Variants in CEP112 observed in about 807,000 individuals in gnomAD.
The protein encoded by CEP112 is centrosomal protein of 112 kDa.
Under a neutral mutation model 153.0 loss-of-function variants are expected in CEP112, and 127 were observed. That is an observed-to-expected ratio of 0.83 (90% confidence interval 0.72 to 0.96). The LOEUF (loss-of-function observed/expected upper bound fraction) is 0.96. Ranked by LOEUF, CEP112 falls within the 40% of genes least tolerant of loss-of-function variation. The pLI, the probability that CEP112 is intolerant of heterozygous loss-of-function variation, is 0.00. For synonymous variants in CEP112, 358 were observed against 374.4 expected (o/e 0.96, Z 0.51); for missense variants, 1,089 against 1,101.2 (o/e 0.99, Z 0.16).
At chr17:65,966,326 T>C (rs1599171860) in intron 17 of CEP112, among the ~76,000 whole-genome samples, 1 of 152,232 alleles carries the variant, frequency 6.6e-6, no homozygotes, top group Admixed American at 6.5e-5. Context: ...GATGACAGTT[T>C]AGTATTTTTG....
intron 23 of CEP112, among the ~76,000 whole-genome samples, chr17:65,724,416 C>T (rs1435571017): frequency 3.9e-5 from 6 of 152,230 alleles, no homozygotes; most frequent in Middle Eastern, 6.8e-3. Context: ...CAACAAGTCC[C>T]TTAAAAATAA....
intron 6 of CEP112, among the ~76,000 whole-genome samples, chr17:66,102,938 A>G (rs2068627054): frequency 6.6e-6 from 1 of 150,914 alleles, no homozygotes; most frequent in Non-Finnish European, 1.5e-5. Context: ...AAGTATGAAA[A>G]ACTAGCCAGG....
At chr17:65,974,404 A>G (rs1039985759) in intron 17 of CEP112, among the ~76,000 whole-genome samples, 1 of 152,182 alleles carries the variant, frequency 6.6e-6, no homozygotes, top group African/African-American at 2.4e-5. Flanking sequence ...ATTTGCAGCC[A>G]AGAGAAACTT....
intron 23 of CEP112, among the ~76,000 whole-genome samples, chr17:65,716,621 C>T (rs2049534318): frequency 6.6e-6 from 1 of 152,072 alleles, no homozygotes; most frequent in Admixed American, 6.5e-5. Context: ...CTATATTGTG[C>T]GAATTGTACC....
chr17:65,654,056 CAAAAAAA>C (rs773433478), intron 24 of CEP112, among the ~76,000 whole-genome samples: 30 of 26,886 alleles, frequency 1.1e-3, no homozygotes, highest in Admixed American at 2.0e-3. Flanking sequence ...AAGACTCCAT[CAAAAAAA>C]AAAAAAAAAA....
At chr17:65,836,809 C>T (rs1352791960) in intron 21 of CEP112, among the ~76,000 whole-genome samples, 3 of 152,030 alleles carry the variant, frequency 2.0e-5, no homozygotes, top group Non-Finnish European at 2.9e-5. Context: ...CTCCCTCTCC[C>T]TCTCCCCATC....
chr17:65,718,755 A>T (rs1430552915), intron 23 of CEP112, among the ~76,000 whole-genome samples: 1 of 152,208 alleles, frequency 6.6e-6, no homozygotes, highest in Admixed American at 6.5e-5. Flanking sequence ...AACATTGCAG[A>T]CCTTCTAGAT....
chr17:65,763,303 A>G (rs1047489635), intron 21 of CEP112, among the ~76,000 whole-genome samples: 1 of 151,278 alleles, frequency 6.6e-6, no homozygotes, highest in Non-Finnish European at 1.5e-5. Flanking sequence ...TTTTTCTTTC[A>G]TTTATGCTGA....
chr17:65,867,365 C>A (rs1405897910), intron 20 of CEP112, among the ~76,000 whole-genome samples: 1 of 152,166 alleles, frequency 6.6e-6, no homozygotes, highest in Non-Finnish European at 1.5e-5. Context: ...ACCCAGTGGA[C>A]CAGAGCAAAA....
At chr17:65,997,809 A>C in intron 17 of CEP112, among the ~76,000 whole-genome samples, 1 of 150,550 alleles carries the variant, frequency 6.6e-6, no homozygotes. Flanking sequence ...CCACACACAC[A>C]CACAATCTTT....
intron 23 of CEP112, among the ~76,000 whole-genome samples, chr17:65,711,369 C>T (rs1030815142): frequency 5.9e-5 from 9 of 152,100 alleles, no homozygotes; most frequent in African/African-American, 1.7e-4. Flanking sequence ...TCAGTTTACT[C>T]ATTTGTAAAT....
At position 66,050,549 on chromosome 17, in the gene CEP112, T is replaced by C. The variant is rs943299813; in HGVS notation, c.1218+3187A>G. Among the ~76,000 whole-genome samples, 6 of 152,198 alleles carry C rather than the reference T, an allele frequency of 3.9e-5. No individual in the cohort carries two copies. In the East Asian group the frequency reaches 5.8e-4, roughly 15 times the overall value. ...AAAATGGGGGAGAAGATATAAAGAT[T>C]TGGTCATTTTTTATTTTATTATTTT... On this transcript the variant is annotated intron_variant, in intron 12 of 26. Coordinates refer to ENST00000535342, the MANE Select transcript of CEP112 (RefSeq NM_001199165.4).
At chr17:65,916,248 A>AGTGT (rs1491392851) in intron 19 of CEP112, among the ~76,000 whole-genome samples, 4 of 106,254 alleles carry the variant, frequency 3.8e-5, no homozygotes, top group African/African-American at 1.5e-4. Flanking sequence ...GTTTTGAAAA[A>AGTGT]GAGTGTGTGT....
At chr17:65,663,275 C>A (rs1035909693) in intron 24 of CEP112, among the ~76,000 whole-genome samples, 3 of 152,146 alleles carry the variant, frequency 2.0e-5, no homozygotes, top group Non-Finnish European at 4.4e-5. Flanking sequence ...TGATCTTTGT[C>A]ATATCCAGTA....
intron 17 of CEP112, among the ~76,000 whole-genome samples, chr17:65,982,821 A>G (rs540859865): frequency 6.6e-6 from 1 of 152,326 alleles, no homozygotes; most frequent in South Asian, 2.1e-4. Flanking sequence ...AATGGCCATC[A>G]ATAGTTGAGT....
At chr17:65,920,803 C>A (rs920043935) in intron 19 of CEP112, among the ~76,000 whole-genome samples, 2 of 152,074 alleles carry the variant, frequency 1.3e-5, no homozygotes, top group Non-Finnish European at 2.9e-5. Context: ...CTCTTGTCCC[C>A]TGTGTCCCAG....
At chr17:66,062,093 C>G (rs1206845499) in intron 11 of CEP112, among the ~76,000 whole-genome samples, 3 of 152,110 alleles carry the variant, frequency 2.0e-5, no homozygotes, top group Non-Finnish European at 2.9e-5. Flanking sequence ...CACCTCCTAC[C>G]ATGACTGTAA....
intron 6 of CEP112, among the ~76,000 whole-genome samples, chr17:66,103,352 A>T (rs1249116583): frequency 6.6e-6 from 1 of 152,154 alleles, no homozygotes; most frequent in African/African-American, 2.4e-5. Context: ...TTTTTTTAAA[A>T]AAGATAAGAA....
Position 65,928,378 on chromosome 17 carries a change from C to T in CEP112, c.1873-689G>A, listed in dbSNP as rs183880817. 5.1e-3 allele frequency among the ~76,000 whole-genome samples: 777 copies of T among 152,258 alleles called. 3 individuals carry two copies. Among genetic ancestry groups the T allele is most frequent in the Non-Finnish European group, 6.9e-3 (466 of 68,010 alleles). The stretch of plus-strand genomic sequence containing the variant: ...TGGAATACAGTCTGTCTGACAATTC[C>T]TCAAAACATTAAATAGAGTTACATG... On this transcript the variant is annotated intron_variant, in intron 18 of 26. Coordinates refer to ENST00000535342, the MANE Select transcript of CEP112 (RefSeq NM_001199165.4).
Sources: allele counts gnomAD v4.1 joint callset (sites outside exome capture counted in the v4.1 genomes callset), GRCh38; gene constraint gnomAD v4.1.1; transcripts MANE v1.5; gene names NCBI Gene and HGNC (gene_info 2026-07-23, HGNC 2026-07-21).